ADGRG7: variants seen among roughly 807,000 people sequenced by gnomAD.
ADGRG7 encodes the protein G-protein coupled receptor 128.
In ADGRG7, 82 loss-of-function variants were observed where a neutral mutation model predicts 88.6. The observed-to-expected ratio is 0.93, with a 90% CI of 0.77 to 1.11. The LOEUF (loss-of-function observed/expected upper bound fraction) is 1.11. Ranked by LOEUF, ADGRG7 falls within the 50% of genes most tolerant of loss-of-function variation. ADGRG7 has a pLI of 0.00. For synonymous variants in ADGRG7, 381 were observed against 345.2 expected, an observed-to-expected ratio of 1.10 and a Z score of -1.15; for missense variants, 945 against 953.4, an observed-to-expected ratio of 0.99 and a Z score of 0.12.
chr3:100,623,860 T>C (rs961273899), intron 1 of ADGRG7, among the ~76,000 whole-genome samples: 5 of 152,184 alleles, frequency 3.3e-5, no homozygotes, highest in Non-Finnish European at 5.9e-5. Context: ...TTCATCCATG[T>C]CCCTGCAATG....
Position 100,635,766 on chromosome 3 carries a change from C to T in ADGRG7, c.537C>T (p.Ile179=). Residue 179 remains isoleucine, a synonymous_variant, in exon 5 of 16, where the codon ATC becomes ATT. Transcript: ENST00000273352. ...CCAATAAATTAACTGCTGAGAACAT[C>T]ACTAGTGCTACGCGAGTGGTTGGAC... The part of the protein sequence containing the change: ...SDANKLTAEN[I]TSATRVVGQI... 1.9e-6 allele frequency: 3 copies of T among 1,613,940 alleles called. No individual in the cohort carries two copies. The highest frequency in any genetic ancestry group is 2.5e-6 in the Non-Finnish European group (3 of 1,179,886).
intron 1 of ADGRG7, among the ~76,000 whole-genome samples, chr3:100,619,819 A>G (rs1247378326): frequency 3.3e-5 from 5 of 152,242 alleles, no homozygotes; most frequent in Non-Finnish European, 4.4e-5. Flanking sequence ...AGAAATGGAT[A>G]AATTCCTCGA....
At chr3:100,645,811 T>C (rs1175145701) in intron 8 of ADGRG7, 134 bp from the exon 9 acceptor site, 1 of 742,502 alleles carries the variant, frequency 1.3e-6, no homozygotes, top group Non-Finnish European at 2.2e-6. Flanking sequence ...AAGTAAAGGT[T>C]CAACCAGTAA....
rs1707756245 is a variant in ADGRG7 at position 100,646,713 on chromosome 3, G to A, written c.1255G>A (p.Ala419Thr). 6.2e-7 allele frequency: 1 copy of A among 1,613,830 alleles called. No homozygotes were observed. The highest frequency in any genetic ancestry group is 1.7e-5 in the Admixed American group (1 of 59,976). Residue 419 changes from alanine to threonine, a missense_variant, in exon 10 of 16, where the codon GCT becomes ACT. By Grantham distance (58) the Ala-to-Thr change is moderately conservative. Transcript: ENST00000273352. ...CCGCTGCAACCATACTACTAATTTT[G>A]CTGTATTAATGGTAAGGATATACAT... ...RCRCNHTTNF[A>T]VLMTFKKDYQ...
intron 11 of ADGRG7, among the ~76,000 whole-genome samples, chr3:100,653,700 G>C (rs1394903899): frequency 6.6e-6 from 1 of 152,142 alleles, no homozygotes; most frequent in African/African-American, 2.4e-5. Context: ...GTCAGATGGC[G>C]GCTGGGCCAG....
At position 100,630,753 on chromosome 3, in the gene ADGRG7, TC is replaced by T; in HGVS notation, c.281del (p.Pro94GlnfsTer36). 1.3e-6 allele frequency: 2 copies of T among 1,484,342 alleles called. No individual in the cohort carries two copies. Among genetic ancestry groups the T allele is most frequent in the South Asian group, 1.5e-5 (1 of 66,026 alleles). The allele number at this position is 1,484,342 out of a possible 1,614,324, so 91.9% of individuals were successfully genotyped here. Reference sequence around the variant, plus strand: ...TATATGGGTTTTACTTTTGCCAGAATCCCAGTGGGCAGATATGGACCATCCT... The same window carrying T: ...TATATGGGTTTTACTTTTGCCAGAATCCAGTGGGCAGATATGGACCATCCT... ...STYMGFTFARIPVGRYGPSLQ... is the reference protein window; with the variant it reads ...STYMGFTFARXPVGRYGPSLQ... On this transcript the variant is annotated frameshift_variant, in exon 3 of 16. Transcript: ENST00000273352. LOFTEE classifies it high-confidence loss of function.
intron 14 of ADGRG7, among the ~76,000 whole-genome samples, chr3:100,663,068 T>C (rs967484004): frequency 1.2e-4 from 18 of 152,128 alleles, no homozygotes; most frequent in African/African-American, 3.9e-4. Flanking sequence ...TGTTATTGAC[T>C]AGGAGTCAGG....
In ADGRG7 at chr3:100,651,476, T is replaced by C. The variant is rs187710787; in HGVS notation, c.1379+1669T>C. Among the ~76,000 whole-genome samples the C allele has an allele frequency of 3.5e-3, 528 of 152,232 alleles. 5 individuals are homozygous for C. The highest frequency in any genetic ancestry group is 5.1e-3 in the Non-Finnish European group (350 of 68,034). On this transcript the variant is annotated intron_variant, in intron 11 of 15. Coordinates refer to ENST00000273352, the MANE Select transcript of ADGRG7 (RefSeq NM_032787.3). ...TCTTTTCATTTGTCATCAGATTTTT[T>C]TCCTCTTTCATCAATATGTTTTCTA...
At chr3:100,617,562 T>C (rs1229116918) in intron 1 of ADGRG7, among the ~76,000 whole-genome samples, 6 of 152,332 alleles carry the variant, frequency 3.9e-5, no homozygotes, top group South Asian at 2.1e-4. Context: ...TCATTTTTTA[T>C]GGCTGCATAG....
intron 8 of ADGRG7, 122 bp downstream of exon 8, chr3:100,643,755 G>A (rs1482857153): frequency 7.9e-6 from 5 of 631,434 alleles, no homozygotes; most frequent in Non-Finnish European, 1.4e-5. Flanking sequence ...TTGCATTTGA[G>A]TAAGTTTGAG....
In ADGRG7 at chr3:100,629,639, A is replaced by C. The variant is rs774865599; in HGVS notation, c.157A>C (p.Arg53=). The change falls in exon 2 of 16, where the codon AGG becomes CGG. Residue 53 remains arginine (R), a synonymous_variant. Coordinates refer to ENST00000273352, the MANE Select transcript of ADGRG7 (RefSeq NM_032787.3). The part of the protein sequence containing the change: ...SSSSTPTEFC[R]NGGTWENGRC... ...ATCAAGCACCCCTACAGAGTTCTGCAGGAATGGTGGAACCTGGGAAAATGG... is the reference window on the plus strand; with the variant it reads ...ATCAAGCACCCCTACAGAGTTCTGCCGGAATGGTGGAACCTGGGAAAATGG... 13 of 1,613,302 alleles carry C rather than the reference A, an allele frequency of 8.1e-6. No homozygotes were observed. Among genetic ancestry groups the C allele is most frequent in the Non-Finnish European group, 1.0e-5 (12 of 1,179,474 alleles).
chr3:100,643,815 T>C (rs1707689601), intron 8 of ADGRG7, among the ~76,000 whole-genome samples, 182 bp downstream of exon 8: 1 of 152,224 alleles, frequency 6.6e-6, no homozygotes, highest in Admixed American at 6.5e-5. Context: ...GTCAAAAAGA[T>C]AATTTCTTTG....
At chr3:100,628,227 T>C (rs1707408483) in intron 1 of ADGRG7, among the ~76,000 whole-genome samples, 1 of 152,166 alleles carries the variant, frequency 6.6e-6, no homozygotes, top group South Asian at 2.1e-4. Context: ...AGTTTCTGCC[T>C]GTTTTTCATT....
At chr3:100,643,727 A>T (rs2149024596) in intron 8 of ADGRG7, 94 bp downstream of exon 8, 1 of 777,214 alleles carries the variant, frequency 1.3e-6, no homozygotes, top group South Asian at 1.8e-5. Context: ...ATGTCTACTT[A>T]GTTTCATACT....
At chr3:100,668,437 T>A (rs1343762095) in intron 14 of ADGRG7, among the ~76,000 whole-genome samples, 1 of 152,152 alleles carries the variant, frequency 6.6e-6, no homozygotes, top group Non-Finnish European at 1.5e-5. Flanking sequence ...TGCTTTCAAG[T>A]CTCTGCTTGA....
chr3:100,676,720 G>C (rs929923531), intron 15 of ADGRG7, among the ~76,000 whole-genome samples: 2 of 151,838 alleles, frequency 1.3e-5, no homozygotes, highest in Admixed American at 6.6e-5. Context: ...AGCTATTGTC[G>C]TATTAGGGTA....
chr3:100,634,505 C>T (rs887100951), intron 4 of ADGRG7, among the ~76,000 whole-genome samples: 1 of 152,084 alleles, frequency 6.6e-6, no homozygotes, highest in Non-Finnish European at 1.5e-5. Context: ...AGAGGTGAAG[C>T]ATTTTGCCTA....
At position 100,612,573 on chromosome 3, in the gene ADGRG7, A is replaced by G. The variant is rs148315491; in HGVS notation, c.115+2602A>G. ...TCCAACTTGTGCTAAGCCTGATATA[A>G]TCATAGACAGATGTCCACAATCATA... On this transcript the variant is annotated intron_variant, in intron 1 of 15. Coordinates refer to ENST00000273352, the MANE Select transcript of ADGRG7 (RefSeq NM_032787.3). Among the ~76,000 whole-genome samples, 23 of 152,322 alleles carry G rather than the reference A, an allele frequency of 1.5e-4. No individual in the cohort carries two copies. The East Asian group carries it at 1.5e-3, about 10-fold the overall frequency.
At chr3:100,645,385 A>G (rs1707725846) in intron 8 of ADGRG7, among the ~76,000 whole-genome samples, 1 of 152,220 alleles carries the variant, frequency 6.6e-6, no homozygotes, top group Non-Finnish European at 1.5e-5. Flanking sequence ...AGAGCAGGGG[A>G]CAATAGTTGA....
Sources: gnomAD v4.1 joint callset for allele counts (sites outside exome capture counted in the v4.1 genomes callset) on GRCh38, gnomAD v4.1.1 for gene constraint, MANE v1.5 for transcripts, NCBI Gene and HGNC (gene_info 2026-07-23, HGNC 2026-07-21) for gene names.